Variants in PDXDC1 observed in about 807,000 individuals in gnomAD.
PDXDC1 encodes the protein pyridoxal dependent decarboxylase domain containing 1.
PDXDC1 carries 42 observed loss-of-function variants against 100.1 expected under a neutral mutation model. That is an observed-to-expected ratio of 0.42 (90% CI 0.33 to 0.54). PDXDC1 has a LOEUF of 0.54. Among genes scored for constraint, PDXDC1 ranks in the 20% least tolerant of loss-of-function variants. The pLI is 0.10. For missense variants in PDXDC1, 636 were observed against 979.2 expected (o/e 0.65, Z 4.68); for synonymous variants, 260 against 371.7 (o/e 0.70, Z 3.46).
At chr16:15,039,026 C>T (rs915154333), downstream of PDXDC1, among the ~76,000 whole-genome samples, 4 of 152,190 alleles carry the variant, frequency 2.6e-5, no homozygotes, top group Non-Finnish European at 5.9e-5. Flanking sequence ...AACCCAGGCG[C>T]TTCTGACTAA....
intron 3 of PDXDC1, among the ~76,000 whole-genome samples, chr16:14,998,964 A>C (rs1386548798): frequency 6.6e-6 from 1 of 152,204 alleles, no homozygotes; most frequent in Admixed American, 6.5e-5. Flanking sequence ...TCACATCTGT[A>C]ATCCCAGCAC....
chr16:15,122,154 ACT>A (rs1423566169), intron 16 of PDXDC1, among the ~76,000 whole-genome samples: 2 of 152,000 alleles, frequency 1.3e-5, no homozygotes, highest in Non-Finnish European at 2.9e-5. Flanking sequence ...ACAGAGTGAG[ACT>A]CTGTCTAAAA....
intron 13 of PDXDC1, chr16:15,025,479 A>G (rs1361444198): frequency 1.3e-5 from 2 of 152,556 alleles, no homozygotes; most frequent in African/African-American, 4.8e-5. Flanking sequence ...TGTGAAAGTT[A>G]AAGATGATAG....
chr16:14,975,476 G>C, intron 1 of PDXDC1: 2 of 985,490 alleles, frequency 2.0e-6, no homozygotes, highest in South Asian at 9.4e-5. Flanking sequence ...CGGAGCCCAG[G>C]ACTGGGACCG....
At chr16:15,059,589 AT>A (rs2151748859) in intron 16 of PDXDC1, among the ~76,000 whole-genome samples, 1 of 152,312 alleles carries the variant, frequency 6.6e-6, no homozygotes, top group African/African-American at 2.4e-5. Flanking sequence ...ACTTGTAAAA[AT>A]TCAGCCACTT....
In PDXDC1 at chr16:15,128,229, G is replaced by A. The variant is rs766799009; in HGVS notation, c.1400-10650G>A. 8.7e-6 allele frequency: 14 copies of A among 1,611,166 alleles called. 1 individual carries two copies. The highest frequency in any genetic ancestry group is 4.4e-5 in the South Asian group (4 of 90,998). On this transcript the variant is annotated intron_variant, in intron 16 of 16. Coordinates refer to the PDXDC1 transcript ENST00000535621. Reference sequence around the variant, plus strand: ...GGCAGGGTCCGCACAGACCTTTGTCGTGCCACACTCGGATCTTCCACACGC... The same window carrying A: ...GGCAGGGTCCGCACAGACCTTTGTCATGCCACACTCGGATCTTCCACACGC...
At position 15,026,572 on chromosome 16, in the gene PDXDC1, A is replaced by G. The variant is rs2042619175; in HGVS notation, c.1141-71A>G. On this transcript the variant is annotated intron_variant, in intron 13 of 22. Transcript: ENST00000396410. ...AGAGCATTTCTAAGCGAGTTTTTGA[A>G]CTCAGCATTTCATTTTGAAGGCGTC... is the stretch of plus-strand genomic sequence containing the variant. The G allele has an allele frequency of 3.8e-6, 5 of 1,300,854 alleles. No individual in the cohort carries two copies. In the Admixed American group the frequency reaches 9.5e-5, roughly 25 times the overall value. The allele number at this position is 1,300,854 out of a possible 1,614,324, so 80.6% of individuals were successfully genotyped here. A position where few individuals can be genotyped will look rare whatever the true frequency, so the allele number is the denominator to read the frequency against.
At chr16:15,142,385 C>G (rs2048488985), downstream of PDXDC1, among the ~76,000 whole-genome samples, 1 of 152,156 alleles carries the variant, frequency 6.6e-6, no homozygotes, top group Admixed American at 6.5e-5. Flanking sequence ...TCTCCCGGCC[C>G]TCACCCCAGC....
chr16:15,088,976 G>A (rs2046012851), intron 16 of PDXDC1, among the ~76,000 whole-genome samples: 1 of 152,040 alleles, frequency 6.6e-6, no homozygotes, highest in Non-Finnish European at 1.5e-5. Flanking sequence ...CATCTATGAT[G>A]ATTCTGGGTA....
chr16:15,126,050 T>C (rs1347338471), intron 16 of PDXDC1: 5 of 562,094 alleles, frequency 8.9e-6, no homozygotes, highest in South Asian at 2.0e-5. Context: ...TTTTTTTTTT[T>C]CTTAGATGGA....
At chr16:15,137,731 T>C (rs2048394687) in intron 16 of PDXDC1, 2 of 1,277,160 alleles carry the variant, frequency 1.6e-6, no homozygotes, top group East Asian at 2.5e-5. Flanking sequence ...AGGACAGAGC[T>C]GGCCCCACCC....
intron 16 of PDXDC1, chr16:15,044,646 G>A (rs2043971834): frequency 3.6e-6 from 2 of 562,934 alleles, no homozygotes; most frequent in Non-Finnish European, 6.3e-6. Flanking sequence ...GAACACAAAT[G>A]TGATGCCGCC....
chr16:14,974,990 G>A (rs1966558286), upstream of PDXDC1: 4 of 1,535,120 alleles, frequency 2.6e-6, no homozygotes, highest in Non-Finnish European at 3.5e-6. Context: ...AATCCCAGAG[G>A]GCTCCGCCCA....
At chr16:15,033,001 C>T (rs762416725) in intron 18 of PDXDC1, 22 bp downstream of exon 18, 1 of 1,387,370 alleles carries the variant, frequency 7.2e-7, no homozygotes, top group African/African-American at 1.4e-5. Context: ...CTTTGTAAGT[C>T]AGCTGTGGGG....
chr16:14,985,085 G>C (rs554429200), intron 1 of PDXDC1, among the ~76,000 whole-genome samples: 2 of 152,290 alleles, frequency 1.3e-5, no homozygotes, highest in African/African-American at 4.8e-5. Context: ...TACCATCTTG[G>C]CCAGGCTGGT....
intron 16 of PDXDC1, among the ~76,000 whole-genome samples, chr16:15,063,720 A>AC (rs2044825788): frequency 1.3e-5 from 2 of 150,930 alleles, no homozygotes; most frequent in Non-Finnish European, 3.0e-5. Flanking sequence ...AAAAAAAAAA[A>AC]AAGAAAAAAA....
intron 16 of PDXDC1, among the ~76,000 whole-genome samples, chr16:15,132,243 G>A (rs1190682915): frequency 2.5e-4 from 4 of 16,042 alleles, no homozygotes; most frequent in Non-Finnish European, 5.7e-4. Context: ...GGAGGGAGGG[G>A]CTGGGGGAGG....
chr16:15,053,197 A>G (rs2044363498), intron 16 of PDXDC1, among the ~76,000 whole-genome samples: 3 of 152,280 alleles, frequency 2.0e-5, no homozygotes, highest in African/African-American at 7.2e-5. Flanking sequence ...TCCAGAGTCA[A>G]GGGCAGGCTG....
intron 1 of PDXDC1, chr16:14,988,202 C>CT: frequency 6.2e-7 from 1 of 1,611,542 alleles, no homozygotes; most frequent in Non-Finnish European, 8.5e-7. Flanking sequence ...GGCAGTGGGA[C>CT]TTTCAGTGCT....
Sources: gnomAD v4.1 joint callset for allele counts (sites outside exome capture counted in the v4.1 genomes callset) on GRCh38, gnomAD v4.1.1 for gene constraint, MANE v1.5 for transcripts, NCBI Gene and HGNC (gene_info 2026-07-23, HGNC 2026-07-21) for gene names.